SLC7A14: variants seen among roughly 807,000 people sequenced by gnomAD.
The protein encoded by SLC7A14 is solute carrier family 7 member 14.
A neutral mutation model predicts 60.2 loss-of-function variants in SLC7A14; 37 were observed. The ratio of observed to expected loss-of-function variants is 0.61; its 90% confidence interval spans 0.47 to 0.81. The LOEUF (loss-of-function observed/expected upper bound fraction) is 0.81. SLC7A14 is among the 30% of genes least tolerant of loss of function. The pLI, the probability that SLC7A14 is intolerant of heterozygous loss-of-function variation, is 0.00. For synonymous variants in SLC7A14, 399 were observed against 395.8 expected, an observed-to-expected ratio of 1.01 and a Z score of -0.10; for missense variants, 886 against 982.7, an observed-to-expected ratio of 0.90 and a Z score of 1.32.
chr3:170,486,828 C>T (rs532808081), intron 4 of SLC7A14, among the ~76,000 whole-genome samples: 10 of 148,282 alleles, frequency 6.7e-5, no homozygotes, highest in East Asian at 2.0e-4. Context: ...GCTGAGATCG[C>T]GCCATTGCAC....
At chr3:170,515,590 G>A (rs1405631652) in intron 2 of SLC7A14, among the ~76,000 whole-genome samples, 2 of 151,848 alleles carry the variant, frequency 1.3e-5, no homozygotes, top group African/African-American at 4.8e-5. Flanking sequence ...ATTGCACCTG[G>A]CTCCCAGATG....
At chr3:170,503,361 A>G (rs1327667281) in intron 2 of SLC7A14, among the ~76,000 whole-genome samples, 1 of 152,210 alleles carries the variant, frequency 6.6e-6, no homozygotes, top group Non-Finnish European at 1.5e-5. Flanking sequence ...GAAGGCCTGA[A>G]GAACTCTTCC....
chr3:170,531,345 T>C (rs1713674892), intron 1 of SLC7A14, among the ~76,000 whole-genome samples: 1 of 152,062 alleles, frequency 6.6e-6, no homozygotes. Context: ...GGGCTACTTG[T>C]CCTGTTCAGC....
chr3:170,565,945 C>A (rs180844367), intron 1 of SLC7A14, among the ~76,000 whole-genome samples: 2 of 152,248 alleles, frequency 1.3e-5, no homozygotes, highest in East Asian at 3.9e-4. Context: ...TGGAGTGGTT[C>A]ATACTGGAAT....
rs1739624395 is a variant in SLC7A14 at position 170,462,295 on chromosome 3, G to T, written c.*4760C>A. 6.6e-6 allele frequency: 1 copy of T among 152,122 alleles called. No individual in the cohort carries two copies. Among genetic ancestry groups the T allele is most frequent in the Non-Finnish European group, 1.5e-5 (1 of 68,030 alleles). The allele number at this position is 152,122 out of a possible 1,614,324, so 9.4% of individuals were successfully genotyped here. ...CAGATAAGAGGTGGTTTCTTGTAAG[G>T]TAGACTTCCAACAAATGTTGGATGT... On this transcript the variant is annotated 3_prime_UTR_variant, in exon 8 of 8. Coordinates refer to ENST00000231706, the MANE Select transcript of SLC7A14 (RefSeq NM_020949.3).
intron 2 of SLC7A14, among the ~76,000 whole-genome samples, chr3:170,524,912 C>G (rs1426968847): frequency 6.6e-6 from 1 of 152,204 alleles, no homozygotes; most frequent in Non-Finnish European, 1.5e-5. Flanking sequence ...ATAAACTCAG[C>G]TTATTTTCCT....
intron 5 of SLC7A14, 96 bp from the exon 6 acceptor site, chr3:170,483,618 A>T (rs1360370381): frequency 3.7e-6 from 5 of 1,346,216 alleles, no homozygotes; most frequent in African/African-American, 2.9e-5. Flanking sequence ...CCCTGGAGGC[A>T]GAGGCTTGCA....
At chr3:170,497,087 C>CAAAAAAAAAAAAAAA (rs548290941) in intron 4 of SLC7A14, among the ~76,000 whole-genome samples, 2 of 94,318 alleles carry the variant, frequency 2.1e-5, no homozygotes, top group Admixed American at 1.2e-4. Context: ...TTATTTTGTC[C>CAAAAAAAAAAAAAAA]AAAAAAAAAA....
chr3:170,500,548 A>G (rs1250481550), intron 3 of SLC7A14, among the ~76,000 whole-genome samples: 3 of 150,266 alleles, frequency 2.0e-5, no homozygotes, highest in East Asian at 3.9e-4. Context: ...ATTCACTGTT[A>G]TATTACCCCT....
chr3:170,549,496 G>C (rs557189491), intron 1 of SLC7A14, among the ~76,000 whole-genome samples: 1 of 152,152 alleles, frequency 6.6e-6, no homozygotes, highest in Non-Finnish European at 1.5e-5. Flanking sequence ...TTACAGACGT[G>C]AGCCACCACG....
At chr3:170,468,991 A>G (rs187079075) in intron 7 of SLC7A14, among the ~76,000 whole-genome samples, 14 of 152,338 alleles carry the variant, frequency 9.2e-5, no homozygotes, top group Non-Finnish European at 1.8e-4. Context: ...TTAAAACTCC[A>G]CAGGTGATTC....
chr3:170,566,268 A>G (rs1356067673), intron 1 of SLC7A14, among the ~76,000 whole-genome samples: 1 of 152,170 alleles, frequency 6.6e-6, no homozygotes, highest in Non-Finnish European at 1.5e-5. Context: ...CATTTCTGCT[A>G]ACCCTTTTAC....
At chr3:170,510,387 C>G (rs1258322057) in intron 2 of SLC7A14, among the ~76,000 whole-genome samples, 1 of 99,136 alleles carries the variant, frequency 1.0e-5, no homozygotes, top group African/African-American at 3.9e-5. Context: ...AAGACTCTGT[C>G]AAAAAAAAAA....
At chr3:170,480,267 G>A (rs1481283911) in intron 7 of SLC7A14, 22 bp downstream of exon 7, 2 of 1,516,384 alleles carry the variant, frequency 1.3e-6, no homozygotes, top group South Asian at 2.7e-5. Flanking sequence ...GAACTCTTAA[G>A]GCTCCAAAGG....
At position 170,553,395 on chromosome 3, in the gene SLC7A14, T is replaced by C. The variant is rs955944226; in HGVS notation, c.-152-26307A>G. Among the ~76,000 whole-genome samples the C allele has an allele frequency of 8.5e-5, 13 of 152,334 alleles. No individual in the cohort carries two copies. In the East Asian group the frequency reaches 2.3e-3, roughly 27 times the overall value. On this transcript the variant is annotated intron_variant, in intron 1 of 7. Coordinates refer to ENST00000231706, the MANE Select transcript of SLC7A14 (RefSeq NM_020949.3). ...GTTTATATACTACATATGCCCTTAT[T>C]TGAGATGATAGGCAATCTGTACGTG...
In SLC7A14 at chr3:170,480,674, C is replaced by T; in HGVS notation, c.1608G>A (p.Leu536=). The change falls in exon 7 of 8, where the codon CTG becomes CTA. Residue 536 remains leucine (L), a synonymous_variant. Coordinates refer to ENST00000231706, the MANE Select transcript of SLC7A14 (RefSeq NM_020949.3). The stretch of plus-strand genomic sequence containing the variant: ...TCATGGTGTAATAATGAGGCCCAAT[C>T]AGCTTCTTTAACTTGATGAGATAAA... ...ENIYLIKLKK[L]IGPHYYTMRI... 1.2e-6 allele frequency: 2 copies of T among 1,614,252 alleles called. No homozygotes were observed. Among genetic ancestry groups the T allele is most frequent in the Non-Finnish European group, 1.7e-6 (2 of 1,180,046 alleles).
intron 2 of SLC7A14, among the ~76,000 whole-genome samples, chr3:170,523,261 C>T (rs527814301): frequency 3.2e-4 from 49 of 152,312 alleles, no homozygotes; most frequent in African/African-American, 1.1e-3. Context: ...AACCAGGTTT[C>T]AAGTCTAAAC....
intron 7 of SLC7A14, among the ~76,000 whole-genome samples, chr3:170,477,523 C>T (rs1172339085): frequency 6.6e-6 from 1 of 152,162 alleles, no homozygotes; most frequent in Non-Finnish European, 1.5e-5. Flanking sequence ...GTAAGTGAAG[C>T]CCTCAGAATA....
intron 5 of SLC7A14, among the ~76,000 whole-genome samples, chr3:170,484,233 A>AC (rs1350032525): frequency 6.6e-6 from 1 of 152,178 alleles, no homozygotes; most frequent in Non-Finnish European, 1.5e-5. Context: ...ATAAGGGTCC[A>AC]CCCCCAGAGA....
Sources: allele counts gnomAD v4.1 joint callset (sites outside exome capture counted in the v4.1 genomes callset), GRCh38; gene constraint gnomAD v4.1.1; transcripts MANE v1.5; gene names NCBI Gene and HGNC (gene_info 2026-07-23, HGNC 2026-07-21).